Variants in RHPN2 observed in about 807,000 individuals in gnomAD.
The protein encoded by RHPN2 is rhophilin-2.
A neutral mutation model predicts 79.0 loss-of-function variants in RHPN2; 40 were observed. The ratio of observed to expected loss-of-function variants is 0.51; its 90% CI spans 0.39 to 0.66. The LOEUF (loss-of-function observed/expected upper bound fraction) is 0.66. Ranked by LOEUF, RHPN2 falls within the 30% of genes least tolerant of loss-of-function variation. RHPN2 has a pLI of 0.00. For synonymous variants in RHPN2, 285 were observed against 363.5 expected, an observed-to-expected ratio of 0.78 and a Z score of 2.46; for missense variants, 686 against 883.5, an observed-to-expected ratio of 0.78 and a Z score of 2.83.
At chr19:33,026,101 G>A (rs548820103) in intron 3 of RHPN2, among the ~76,000 whole-genome samples, 3,581 of 149,966 alleles carry the variant, frequency 0.024, 159 homozygotes, top group African/African-American at 0.084. Context: ...AAGCAATTCT[G>A]CCTCAGCCTC....
intron 10 of RHPN2, 93 bp downstream of exon 10, chr19:32,999,493 G>A (rs779238588): frequency 4.7e-5 from 70 of 1,502,600 alleles, no homozygotes; most frequent in South Asian, 2.4e-4. Context: ...CCCCTCTCCC[G>A]GGCCCTCTTC....
chr19:33,036,870 G>GCCCCCCCCCCC (rs199550754), intron 2 of RHPN2, among the ~76,000 whole-genome samples: 1 of 141,330 alleles, frequency 7.1e-6, no homozygotes, highest in African/African-American at 2.8e-5. Flanking sequence ...CCATGCCTGA[G>GCCCCCCCCCCC]CCCCCCCGCC....
intron 7 of RHPN2, among the ~76,000 whole-genome samples, chr19:33,005,810 A>C (rs1165072237): frequency 6.6e-6 from 1 of 152,146 alleles, no homozygotes; most frequent in Non-Finnish European, 1.5e-5. Flanking sequence ...GTCCAGAAAA[A>C]AGATTTACAG....
At chr19:32,984,638 A>C (rs1361510761) in intron 14 of RHPN2, among the ~76,000 whole-genome samples, 1 of 152,086 alleles carries the variant, frequency 6.6e-6, no homozygotes, top group South Asian at 2.1e-4. Context: ...AGCCTGGATG[A>C]CAAGAGCAAG....
rs562521609 is a variant in RHPN2 at position 33,020,533 on chromosome 19, G to A, written c.390+1038C>T. On this transcript the variant is annotated intron_variant, in intron 4 of 14. Transcript: ENST00000254260. The stretch of plus-strand genomic sequence containing the variant: ...TTTTGAAATGGGATCTCACTCTGTC[G>A]CCCAGGCTGGAGGGCAGTGGCGTGA... 6.7e-4 allele frequency among the ~76,000 whole-genome samples: 98 copies of A among 146,192 alleles called. 1 individual carries two copies. The highest frequency in any genetic ancestry group is 1.2e-3 in the Non-Finnish European group (80 of 67,100).
At chr19:33,031,230 A>G (rs1374520317) in intron 2 of RHPN2, among the ~76,000 whole-genome samples, 1 of 151,000 alleles carries the variant, frequency 6.6e-6, no homozygotes, top group African/African-American at 2.4e-5. Flanking sequence ...ATTCTATTCT[A>G]TTCTATTCTA....
intron 10 of RHPN2, among the ~76,000 whole-genome samples, chr19:32,998,610 G>A (rs1568311926): frequency 1.3e-5 from 2 of 151,720 alleles, no homozygotes; most frequent in South Asian, 2.1e-4. Context: ...TTGCACTACT[G>A]CACTGCAGCC....
chr19:32,993,012 G>C (rs1411040970), intron 12 of RHPN2, among the ~76,000 whole-genome samples: 1 of 151,854 alleles, frequency 6.6e-6, no homozygotes, highest in African/African-American at 2.4e-5. Flanking sequence ...CATCTACTAG[G>C]GTAGCTAAGG....
rs762798435 is a variant in RHPN2 at position 33,064,783 on chromosome 19, C to T, written c.69+1G>A. 10 of 1,522,030 alleles carry T rather than the reference C, an allele frequency of 6.6e-6. No individual in the cohort carries two copies. Among genetic ancestry groups the T allele is most frequent in the South Asian group, 1.2e-5 (1 of 82,550 alleles). 94.3% of individuals were successfully genotyped at this position (1,522,030 alleles called of 1,614,324 possible). ...CCGCCCGCCCGCCCGAAGCCGCCCA[C>T]CTTCCGAAAGTAGCCGTCGTTCTCC... On this transcript the variant is annotated splice_donor_variant, in intron 1 of 14. Transcript: ENST00000254260. LOFTEE classifies it high-confidence loss of function.
rs749125558 is a variant in RHPN2, at chr19:32,980,221, C to A, written c.1836G>T (p.Gln612His). 1 of 1,613,890 alleles carries A rather than the reference C, an allele frequency of 6.2e-7. No individual in the cohort carries two copies. The highest frequency in any genetic ancestry group is 1.7e-5 in the Admixed American group (1 of 59,998). Residue 612 changes from glutamine to histidine, a missense_variant, in exon 15 of 15, where the codon CAG (glutamine) becomes CAT (histidine). Coordinates refer to ENST00000254260, the MANE Select transcript of RHPN2 (RefSeq NM_033103.5). ...CTAAGCAGATCATGGAGTACGTTTT[C>A]TGCATTCCCACGGAGTATGTGGCAC... ...NKSATYSVGM[Q>H]KTYSMICLAI...
chr19:33,053,454 C>T (rs138868234), intron 1 of RHPN2, among the ~76,000 whole-genome samples: 3,197 of 140,310 alleles, frequency 0.023, 124 homozygotes, highest in African/African-American at 0.08. Flanking sequence ...GATGGAGTCT[C>T]GCTCTCTTGC....
intron 1 of RHPN2, among the ~76,000 whole-genome samples, chr19:33,046,300 C>T (rs1972142433): frequency 6.6e-6 from 1 of 151,988 alleles, no homozygotes; most frequent in Non-Finnish European, 1.5e-5. Flanking sequence ...GAGGCTTGTT[C>T]TGTCGTCCAG....
chr19:33,036,927 G>A lies in RHPN2; in HGVS notation c.185+7322C>T, dbSNP rs535885831. On this transcript the variant is annotated intron_variant, in intron 2 of 14. Coordinates refer to ENST00000254260, the MANE Select transcript of RHPN2 (RefSeq NM_033103.5). ...AGCCCGAGCCTCCCCGACGAGCGCC[G>A]CCCCCTGCTCCACGGCACCCAGTCC... is the stretch of plus-strand genomic sequence containing the variant. Among the ~76,000 whole-genome samples, 33 of 146,416 alleles carry A rather than the reference G, an allele frequency of 2.3e-4. No homozygotes were observed. The South Asian group carries it at 6.7e-3, about 30-fold the overall frequency.
intron 14 of RHPN2, among the ~76,000 whole-genome samples, chr19:32,985,694 C>T (rs1295849635): frequency 6.6e-6 from 1 of 152,182 alleles, no homozygotes; most frequent in Non-Finnish European, 1.5e-5. Context: ...TACAGTGGCT[C>T]GATCTCGGCT....
intron 14 of RHPN2, among the ~76,000 whole-genome samples, chr19:32,984,862 CT>C (rs766686347): frequency 4.6e-5 from 7 of 152,242 alleles, no homozygotes; most frequent in Non-Finnish European, 1.0e-4. Context: ...AATCCTAACA[CT>C]TTGGGAGGCG....
At chr19:33,063,481 C>G (rs1972298694) in intron 1 of RHPN2, among the ~76,000 whole-genome samples, 1 of 152,178 alleles carries the variant, frequency 6.6e-6, no homozygotes, top group Non-Finnish European at 1.5e-5. Flanking sequence ...GAAAGTTTCA[C>G]TTCCCTATTT....
intron 14 of RHPN2, among the ~76,000 whole-genome samples, chr19:32,986,207 T>G (rs1196011761): frequency 1.3e-5 from 2 of 152,174 alleles, no homozygotes; most frequent in Non-Finnish European, 2.9e-5. Flanking sequence ...CAGCAGCCCC[T>G]TCCTTGGCCT....
chr19:33,030,984 G>A (rs1165338827), intron 2 of RHPN2, among the ~76,000 whole-genome samples: 1 of 152,096 alleles, frequency 6.6e-6, no homozygotes, highest in Non-Finnish European at 1.5e-5. Context: ...CACCTCCTCA[G>A]GTTTGGTAAT....
intron 9 of RHPN2, among the ~76,000 whole-genome samples, chr19:33,000,599 G>A (rs764596299): frequency 3.9e-5 from 6 of 152,092 alleles, no homozygotes; most frequent in Non-Finnish European, 5.9e-5. Flanking sequence ...CCCAGACCCT[G>A]TCATGCCCGG....
Sources: allele counts gnomAD v4.1 joint callset (sites outside exome capture counted in the v4.1 genomes callset), GRCh38; gene constraint gnomAD v4.1.1; transcripts MANE v1.5; gene names NCBI Gene and HGNC (gene_info 2026-07-23, HGNC 2026-07-21).